The following CTPS2 variants were observed in gnomAD, a reference collection of about 807,000 sequenced individuals.
The protein encoded by CTPS2 is CTP synthase II.
A neutral mutation model predicts 46.8 loss-of-function variants in CTPS2; 19 were observed. The ratio of observed to expected loss-of-function variants is 0.41; its 90% CI spans 0.28 to 0.60. The LOEUF (loss-of-function observed/expected upper bound fraction) is 0.60, where lower values mean the gene tolerates loss of function less well. Ranked by LOEUF, CTPS2 falls within the 20% of genes least tolerant of loss-of-function variation. The pLI, the probability that CTPS2 is intolerant of heterozygous loss-of-function variation, is 0.35. For synonymous variants in CTPS2, 151 were observed against 165.2 expected, an observed-to-expected ratio of 0.91 and a Z score of 0.66; for missense variants, 286 against 447.6, an observed-to-expected ratio of 0.64 and a Z score of 3.26.
intron 10 of CTPS2, among the ~76,000 whole-genome samples, chrX:16,676,603 G>A (rs775014266): frequency 1.2e-4 from 14 of 112,278 alleles, no homozygotes; most frequent in South Asian, 3.7e-4. Context: ...TAGTGAAAAT[G>A]GGAAACTGGA....
chrX:16,597,139 G>A (rs1259038012), intron 17 of CTPS2, among the ~76,000 whole-genome samples: 2 of 111,105 alleles, frequency 1.8e-5, no homozygotes, highest in African/African-American at 6.6e-5. Flanking sequence ...CCCATTTTGT[G>A]GGTTGCCTGT....
At chrX:16,643,242 T>C (rs1390770773) in intron 13 of CTPS2, among the ~76,000 whole-genome samples, 3 of 112,356 alleles carry the variant, frequency 2.7e-5, no homozygotes, top group Non-Finnish European at 5.6e-5. Flanking sequence ...TGACCTACCC[T>C]GGTAAGCCCA....
At chrX:16,705,553 A>G (rs756920762) in intron 1 of CTPS2, among the ~76,000 whole-genome samples, 3 of 112,491 alleles carry the variant, frequency 2.7e-5, no homozygotes, top group Non-Finnish European at 5.6e-5. Flanking sequence ...AATACACATG[A>G]GTCAGGACCA....
At chrX:16,693,104 A>C (rs943090262) in intron 6 of CTPS2, 37 bp downstream of exon 6, 1 of 902,286 alleles carries the variant, frequency 1.1e-6, no homozygotes, top group East Asian at 3.1e-5. Flanking sequence ...GCTCCCAGAG[A>C]CCTTCAGGAT....
chrX:16,590,995 A>AT, intron 17 of CTPS2, 133 bp from the exon 18 acceptor site: 1 of 439,554 alleles, frequency 2.3e-6, no homozygotes, highest in South Asian at 4.1e-5. Flanking sequence ...TTCTTTTAGC[A>AT]CTTTCTAGTC....
At chrX:16,681,691 G>A (rs1228900333) in intron 9 of CTPS2, among the ~76,000 whole-genome samples, 3 of 110,643 alleles carry the variant, frequency 2.7e-5, no homozygotes, top group Admixed American at 9.8e-5. Flanking sequence ...GACTACAGGC[G>A]CATGCCACCA....
At chrX:16,670,784 G>T in intron 10 of CTPS2, 110 bp from the exon 11 acceptor site, 1 of 479,884 alleles carries the variant, frequency 2.1e-6, no homozygotes, top group Middle Eastern at 4.6e-4. Flanking sequence ...CTATGCTCAA[G>T]CTCTATTTTC....
chrX:16,672,123 G>T (rs940716713), intron 10 of CTPS2, among the ~76,000 whole-genome samples: 14 of 111,290 alleles, frequency 1.3e-4, no homozygotes, highest in African/African-American at 3.9e-4. Flanking sequence ...GTCCCTCTCT[G>T]CTAAGAATAG....
chrX:16,593,973 A>G (rs1452346309), intron 17 of CTPS2, among the ~76,000 whole-genome samples: 3 of 111,308 alleles, frequency 2.7e-5, no homozygotes, highest in Non-Finnish European at 5.7e-5. Flanking sequence ...CGTTCTATGC[A>G]ACATTTTGTG....
intron 13 of CTPS2, among the ~76,000 whole-genome samples, chrX:16,652,020 G>C (rs902610752): frequency 2.8e-5 from 3 of 108,155 alleles, no homozygotes; most frequent in Admixed American, 9.9e-5. Context: ...GAGCAGGATG[G>C]GGGGGGCCAG....
intron 4 of CTPS2, among the ~76,000 whole-genome samples, chrX:16,697,456 TTTA>T (rs1924212051): frequency 3.2e-5 from 3 of 93,761 alleles, no homozygotes; most frequent in Non-Finnish European, 4.3e-5. Context: ...TTTTTTTTTT[TTTA>T]AATTAAGACA....
At chrX:16,606,698 T>G (rs1415568964) in intron 17 of CTPS2, among the ~76,000 whole-genome samples, 1 of 111,470 alleles carries the variant, frequency 9.0e-6, no homozygotes, top group Non-Finnish European at 1.9e-5. Flanking sequence ...TCCTTCTCTC[T>G]GAGACATACT....
chrX:16,708,980 G>T (rs568271555), intron 1 of CTPS2, among the ~76,000 whole-genome samples: 2 of 110,011 alleles, frequency 1.8e-5, no homozygotes, highest in South Asian at 3.9e-4. Context: ...GTGGTGGCAG[G>T]CGCCTGTAAT....
intron 13 of CTPS2, among the ~76,000 whole-genome samples, chrX:16,648,368 A>G (rs1932430873): frequency 8.9e-6 from 1 of 112,078 alleles, no homozygotes; most frequent in South Asian, 3.7e-4. Context: ...GTATCTGTCC[A>G]GAGAAAGAGA....
intron 17 of CTPS2, 157 bp from the exon 18 acceptor site, chrX:16,591,019 G>A: frequency 5.1e-6 from 2 of 391,920 alleles, no homozygotes; most frequent in Non-Finnish European, 8.8e-6. Context: ...ACAGGAAGAG[G>A]TCAGTCCAAT....
intron 2 of CTPS2, among the ~76,000 whole-genome samples, chrX:16,699,638 C>T (rs957388757): frequency 2.7e-5 from 3 of 112,530 alleles, no homozygotes; most frequent in Non-Finnish European, 5.6e-5. Flanking sequence ...GGAGCACCAA[C>T]TTTAACTACT....
chrX:16,668,741 G>A (rs1921433398), intron 11 of CTPS2, among the ~76,000 whole-genome samples: 1 of 87,314 alleles, frequency 1.1e-5, no homozygotes, highest in Admixed American at 1.3e-4. Flanking sequence ...GAGAAAGAGA[G>A]AAAGAAAGAA....
At position 16,670,665 on chromosome X, in the gene CTPS2, A is replaced by G. The variant is rs926259694; in HGVS notation, c.1104T>C (p.Leu368=). ...WQKLCKADGI[L]VPGGFGIRGT... ...CTCTGATTCCAAAGCCTCCAGGCAC[A>G]AGAATACCACTGAAATCAATACAAA... Residue 368 remains leucine (L), a synonymous_variant, in exon 11 of 19, where the codon CTT becomes CTC. Transcript: ENST00000359276. 4.0e-5 allele frequency: 48 copies of G among 1,188,411 alleles called. No homozygotes were observed. The highest frequency in any genetic ancestry group is 5.1e-5 in the Non-Finnish European group (45 of 880,541).
At chrX:16,677,664 T>A (rs912284057) in intron 10 of CTPS2, among the ~76,000 whole-genome samples, 15 of 111,572 alleles carry the variant, frequency 1.3e-4, no homozygotes, top group African/African-American at 4.2e-4. Flanking sequence ...CAGCAAAAGA[T>A]ACAGGTCATA....
Sources: allele counts gnomAD v4.1 joint callset (sites outside exome capture counted in the v4.1 genomes callset), GRCh38; gene constraint gnomAD v4.1.1; transcripts MANE v1.5; gene names NCBI Gene and HGNC (gene_info 2026-07-23, HGNC 2026-07-21).